Variants in SLIT1 observed in about 807,000 individuals in gnomAD.
SLIT1 encodes the protein slit homolog 1 protein.
Under a neutral mutation model 186.1 loss-of-function variants are expected in SLIT1, and 66 were observed. The ratio of observed to expected loss-of-function variants is 0.35; its 90% CI spans 0.29 to 0.44. The LOEUF (loss-of-function observed/expected upper bound fraction) is 0.44. SLIT1 is among the 20% of genes least tolerant of loss of function. The pLI is 1.00. For missense variants in SLIT1, 1,638 were observed against 2,037.4 expected, an observed-to-expected ratio of 0.80 and a Z score of 3.77; for synonymous variants, 761 against 833.8, an observed-to-expected ratio of 0.91 and a Z score of 1.50.
At chr10:97,065,121 G>A (rs921810872) in intron 5 of SLIT1, among the ~76,000 whole-genome samples, 1 of 146,670 alleles carries the variant, frequency 6.8e-6, no homozygotes, top group African/African-American at 2.7e-5. Flanking sequence ...TATCCCCTGG[G>A]GAGCAGGCAC....
chr10:97,004,059 G>A lies in SLIT1; in HGVS notation c.3865+9C>T, dbSNP rs1848336250. 2.5e-6 allele frequency: 4 copies of A among 1,600,186 alleles called. No homozygotes were observed. The South Asian group carries it at 3.3e-5, about 13-fold the overall frequency. ...AGCAAAAGAGGCCCCGCCAGGGCCA[G>A]GTCCTCACCTCCCACATAGAGTGGC... On this transcript the variant is annotated intron_variant, in intron 34 of 36. Transcript: ENST00000266058. This position sits in a 1 kb window ranked among gnomAD's most constrained non-coding sequence, Gnocchi z 5.1.
intron 31 of SLIT1, among the ~76,000 whole-genome samples, chr10:97,009,168 C>T (rs371234566): frequency 3.3e-5 from 5 of 152,076 alleles, no homozygotes; most frequent in Non-Finnish European, 7.4e-5. Context: ...TGAGCCACCG[C>T]GCCCAGCCAG....
intron 25 of SLIT1, among the ~76,000 whole-genome samples, chr10:97,024,264 T>G (rs1848526355): frequency 6.6e-6 from 1 of 152,098 alleles, no homozygotes; most frequent in African/African-American, 2.4e-5. Context: ...ATAGCTCAGC[T>G]GATGATTCAC....
At chr10:97,066,229 G>T in intron 4 of SLIT1, 143 bp from the exon 5 acceptor site, 1 of 672,710 alleles carries the variant, frequency 1.5e-6, no homozygotes, top group Admixed American at 2.3e-5. Flanking sequence ...CTAGGACAGT[G>T]CCTGGCCCAC....
chr10:97,135,975 C>T (rs1425554628), intron 4 of SLIT1, among the ~76,000 whole-genome samples: 5 of 152,118 alleles, frequency 3.3e-5, no homozygotes, highest in African/African-American at 4.8e-5. Flanking sequence ...TCCTGCATTC[C>T]GGGGTCCTTG....
intron 4 of SLIT1, among the ~76,000 whole-genome samples, chr10:97,089,692 T>G (rs1400120900): frequency 6.7e-5 from 10 of 149,924 alleles, no homozygotes; most frequent in African/African-American, 2.2e-4. Context: ...AGGCTTCAGC[T>G]GGGGGAGTAG....
chr10:97,169,901 G>A lies in SLIT1; in HGVS notation c.198-5011C>T, dbSNP rs996016565. On this transcript the variant is annotated intron_variant, in intron 1 of 36. Transcript: ENST00000266058. Reference sequence around the variant, plus strand: ...GGTGCCACAAGGCTAATAAGTGGTGGGGCGGGATCAGACCCCAGCCAGTGT... The same window carrying A: ...GGTGCCACAAGGCTAATAAGTGGTGAGGCGGGATCAGACCCCAGCCAGTGT... Among the ~76,000 whole-genome samples, 3 of 152,250 alleles carry A rather than the reference G, an allele frequency of 2.0e-5. No individual in the cohort carries two copies. The South Asian group carries it at 6.2e-4, about 32-fold the overall frequency.
At chr10:97,138,685 G>A (rs1328297724) in intron 4 of SLIT1, among the ~76,000 whole-genome samples, 1 of 151,370 alleles carries the variant, frequency 6.6e-6, no homozygotes, top group African/African-American at 2.4e-5. Context: ...AGAAGGACAA[G>A]ACATTCAGAC....
Position 97,021,558 on chromosome 10 carries a change from CTT to C in SLIT1, c.2583-147_2583-146del, listed in dbSNP as rs11292804. The C allele has an allele frequency of 8.3e-3, 3,926 of 473,506 alleles. No homozygotes were observed. The highest frequency in any genetic ancestry group is 0.015 in the Middle Eastern group (26 of 1,698). The allele number at this position is 473,506 out of a possible 1,614,324, so 29.3% of individuals were successfully genotyped here. On this transcript the variant is annotated intron_variant, in intron 25 of 36. Transcript: ENST00000266058. The surrounding 1 kb of genome is among the most constrained non-coding windows in gnomAD (Gnocchi z 4.5). ...AGCATTTACTGTATAGTCAGTGCTG[CTT>C]TTTTTTTTTTTTCTTTTTTTGAGAT... is the stretch of plus-strand genomic sequence containing the variant.
intron 4 of SLIT1, among the ~76,000 whole-genome samples, chr10:97,139,443 G>A (rs1052517415): frequency 2.0e-5 from 3 of 152,112 alleles, no homozygotes; most frequent in Middle Eastern, 3.2e-3. Context: ...ACAAAGATAG[G>A]GAAATACATA....
chr10:97,067,609 C>T (rs1277902965), intron 4 of SLIT1, among the ~76,000 whole-genome samples: 9 of 152,160 alleles, frequency 5.9e-5, no homozygotes, highest in Admixed American at 2.0e-4. Flanking sequence ...CTGGCTTGTG[C>T]GGCAGCCCTG....
chr10:97,164,057 T>A (rs1486237122), intron 2 of SLIT1, among the ~76,000 whole-genome samples: 3 of 152,216 alleles, frequency 2.0e-5, no homozygotes, highest in Admixed American at 6.5e-5. Flanking sequence ...CCACGCCAAC[T>A]GAACCACCTG....
intron 3 of SLIT1, among the ~76,000 whole-genome samples, chr10:97,162,005 G>A (rs1850034204): frequency 6.6e-6 from 1 of 152,160 alleles, no homozygotes; most frequent in African/African-American, 2.4e-5. Flanking sequence ...GCATAGAGTG[G>A]TGGTAGCTAT....
intron 4 of SLIT1, among the ~76,000 whole-genome samples, chr10:97,066,448 T>C (rs1227977781): frequency 6.6e-6 from 1 of 152,162 alleles, no homozygotes; most frequent in Non-Finnish European, 1.5e-5. Flanking sequence ...AAATCTCGTG[T>C]TGAATGGTAA....
intron 1 of SLIT1, among the ~76,000 whole-genome samples, chr10:97,175,173 C>T (rs1464489644): frequency 6.6e-6 from 1 of 152,206 alleles, no homozygotes; most frequent in African/African-American, 2.4e-5. Flanking sequence ...CTTTTTCACC[C>T]AGCACAATGT....
chr10:97,081,218 C>G (rs922305236), intron 4 of SLIT1, among the ~76,000 whole-genome samples: 2 of 152,092 alleles, frequency 1.3e-5, no homozygotes, highest in Non-Finnish European at 2.9e-5. Context: ...CAGGGCTGGG[C>G]AAGTATAACC....
At chr10:97,167,726 T>TG (rs1402954678) in intron 1 of SLIT1, among the ~76,000 whole-genome samples, 1 of 152,216 alleles carries the variant, frequency 6.6e-6, no homozygotes, top group African/African-American at 2.4e-5. Context: ...CCATGTGTCA[T>TG]GGGAGGGAGC....
chr10:97,153,234 G>T (rs1165500054), intron 4 of SLIT1: 1 of 152,178 alleles, frequency 6.6e-6, no homozygotes, highest in Non-Finnish European at 1.5e-5. Flanking sequence ...GCATAGGAAA[G>T]AAATAGACAG....
chr10:97,047,435 G>C (rs1848744053), intron 16 of SLIT1, among the ~76,000 whole-genome samples: 1 of 152,230 alleles, frequency 6.6e-6, no homozygotes, highest in South Asian at 2.1e-4. Context: ...AGCCATCCCT[G>C]ATTCAGGCTG....
Sources: allele counts gnomAD v4.1 joint callset (sites outside exome capture counted in the v4.1 genomes callset), GRCh38; gene constraint gnomAD v4.1.1; non-coding constraint Gnocchi (gnomAD v3.1); transcripts MANE v1.5; gene names NCBI Gene and HGNC (gene_info 2026-07-23, HGNC 2026-07-21).